The following DGKG variants were observed in gnomAD, a reference collection of about 807,000 sequenced individuals.
The protein encoded by DGKG is DAG kinase gamma.
Under a neutral mutation model 105.3 loss-of-function variants are expected in DGKG, and 78 were observed. The ratio of observed to expected loss-of-function variants is 0.74; its 90% CI spans 0.62 to 0.89. The LOEUF is 0.89. Among genes scored for constraint, DGKG ranks in the 40% least tolerant of loss-of-function variants. The pLI, the probability that DGKG is intolerant of heterozygous loss-of-function variation, is 0.00. For missense variants in DGKG, 958 were observed against 1,020.1 expected, an observed-to-expected ratio of 0.94 and a Z score of 0.83; for synonymous variants, 346 against 367.1, an observed-to-expected ratio of 0.94 and a Z score of 0.66.
intron 1 of DGKG, among the ~76,000 whole-genome samples, chr3:186,359,406 C>A (rs1415950442): frequency 6.6e-6 from 1 of 152,066 alleles, no homozygotes; most frequent in Non-Finnish European, 1.5e-5. Context: ...GCCAGGAAAA[C>A]AATGTTCATG....
intron 2 of DGKG, among the ~76,000 whole-genome samples, chr3:186,307,558 T>A (rs1298986848): frequency 6.6e-6 from 1 of 152,222 alleles, no homozygotes; most frequent in African/African-American, 2.4e-5. Context: ...TATGTAATAG[T>A]GCTTGTCATA....
At position 186,152,405 on chromosome 3, in the gene DGKG, T is replaced by TTGTTCCCCTGTGGAACACGTTTGTGGCA. The variant is rs556148114; in HGVS notation, c.2278-2245_2278-2218dup. 1.4e-3 allele frequency among the ~76,000 whole-genome samples: 209 copies of TTGTTCCCCTGTGGAACACGTTTGTGGCA among 152,288 alleles called. 2 individuals carry two copies. The highest frequency in any genetic ancestry group is 4.8e-3 in the African/African-American group (200 of 41,538). On this transcript the variant is annotated intron_variant, in intron 24 of 24. Coordinates refer to ENST00000265022, the MANE Select transcript of DGKG (RefSeq NM_001346.3). ...TCTGTGGCATGCAATGTAGCATTCTTTGTTCCCCTGTGGAACACGTTTGTG... is the reference window on the plus strand; with the variant it reads ...TCTGTGGCATGCAATGTAGCATTCTTTGTTCCCCTGTGGAACACGTTTGTGGCATGTTCCCCTGTGGAACACGTTTGTG...
chr3:186,277,373 T>C (rs1176054624), intron 9 of DGKG, among the ~76,000 whole-genome samples: 2 of 152,222 alleles, frequency 1.3e-5, no homozygotes, highest in Admixed American at 1.3e-4. Flanking sequence ...GAAACAGAGA[T>C]TTGGAGAAGT....
chr3:186,259,400 G>A (rs1423834520), intron 16 of DGKG, among the ~76,000 whole-genome samples: 2 of 152,232 alleles, frequency 1.3e-5, no homozygotes, highest in African/African-American at 2.4e-5. Context: ...AACTGCAGTG[G>A]TGTACAGAGG....
intron 14 of DGKG, 104 bp downstream of exon 14, chr3:186,265,143 G>T: frequency 9.1e-7 from 1 of 1,102,754 alleles, no homozygotes; most frequent in Non-Finnish European, 1.4e-6. Flanking sequence ...CAGATGAGAA[G>T]GCAAATGCTG....
intron 24 of DGKG, chr3:186,158,535 A>C: frequency 1.0e-6 from 1 of 964,704 alleles, no homozygotes; most frequent in Non-Finnish European, 1.2e-6. Context: ...GACCTTTATA[A>C]TTTCTGCAAC....
intron 20 of DGKG, among the ~76,000 whole-genome samples, chr3:186,241,093 A>G (rs562352055): frequency 6.6e-6 from 1 of 152,276 alleles, no homozygotes; most frequent in South Asian, 2.1e-4. Context: ...ATCGGATCCC[A>G]CAGATCGCTC....
At chr3:186,223,671 C>T (rs1033980565) in intron 20 of DGKG, among the ~76,000 whole-genome samples, 30 of 152,176 alleles carry the variant, frequency 2.0e-4, no homozygotes, top group African/African-American at 6.8e-4. Flanking sequence ...GAGAAGACTG[C>T]GGTAGACCCT....
At chr3:186,190,097 C>T (rs762167880) in intron 21 of DGKG, among the ~76,000 whole-genome samples, 6 of 152,158 alleles carry the variant, frequency 3.9e-5, no homozygotes, top group Non-Finnish European at 7.3e-5. Flanking sequence ...AACTGAGGCA[C>T]AGAGGAGGTT....
intron 2 of DGKG, among the ~76,000 whole-genome samples, chr3:186,318,794 A>G (rs1334446616): frequency 6.6e-6 from 1 of 152,134 alleles, no homozygotes; most frequent in East Asian, 1.9e-4. Flanking sequence ...TAGCTCCCAG[A>G]ACTTTGAGAC....
rs572344324 is a variant in DGKG, at chr3:186,166,972, A to G, written c.2096-1954T>C. On this transcript the variant is annotated intron_variant, in intron 22 of 24. Transcript: ENST00000265022. ...TAGACTCAAGTGTTTCAGCTTTACA[A>G]TGTCTTGGTCTTTTAACAAATTTTC... Among the ~76,000 whole-genome samples, 7 of 152,290 alleles carry G rather than the reference A, an allele frequency of 4.6e-5. No individual in the cohort carries two copies. In the East Asian group the frequency reaches 1.3e-3, roughly 29 times the overall value.
At chr3:186,353,560 T>G (rs554846202) in intron 1 of DGKG, among the ~76,000 whole-genome samples, 3 of 117,388 alleles carry the variant, frequency 2.6e-5, no homozygotes, top group African/African-American at 1.3e-4. Flanking sequence ...TATACTTTTA[T>G]GTATGTATAT....
At chr3:186,180,720 A>G (rs556473524) in intron 22 of DGKG, among the ~76,000 whole-genome samples, 163 of 152,352 alleles carry the variant, frequency 1.1e-3, no homozygotes, top group African/African-American at 3.6e-3. Flanking sequence ...GAAAGCCATG[A>G]GAAACAGTGA....
intron 9 of DGKG, among the ~76,000 whole-genome samples, chr3:186,277,557 T>TG (rs1266256278): frequency 6.6e-6 from 1 of 152,244 alleles, no homozygotes; most frequent in Non-Finnish European, 1.5e-5. Flanking sequence ...GACTTCTTCG[T>TG]GGAGCCCAAA....
chr3:186,248,289 C>A (rs531908250), intron 19 of DGKG, among the ~76,000 whole-genome samples: 1 of 152,264 alleles, frequency 6.6e-6, no homozygotes, highest in Non-Finnish European at 1.5e-5. Context: ...CTTCTGCAGG[C>A]AGCTGCGCTG....
chr3:186,201,001 A>G (rs1021244507), intron 21 of DGKG, among the ~76,000 whole-genome samples: 1 of 152,130 alleles, frequency 6.6e-6, no homozygotes, highest in Non-Finnish European at 1.5e-5. Flanking sequence ...GCCCAAATTC[A>G]TTTCCAGGAG....
intron 21 of DGKG, among the ~76,000 whole-genome samples, chr3:186,204,588 C>T (rs751733735): frequency 1.3e-5 from 2 of 151,992 alleles, no homozygotes; most frequent in Non-Finnish European, 2.9e-5. Context: ...CAGCATAGTA[C>T]CCAGCACGTC....
intron 21 of DGKG, among the ~76,000 whole-genome samples, chr3:186,201,625 G>A (rs556744431): frequency 1.2e-4 from 18 of 152,180 alleles, no homozygotes; most frequent in South Asian, 8.3e-4. Context: ...AGGCATGAGT[G>A]CCAGCCATCT....
rs1578669905 is a variant in DGKG, at chr3:186,210,580, C to T, written c.1917+1215G>A. On this transcript the variant is annotated intron_variant, in intron 21 of 24. Transcript: ENST00000265022. The surrounding 1 kb of genome is among the most constrained non-coding windows in gnomAD (Gnocchi z 5.2). ...GGCAGATGAGTCAAATGCAGCCGCA[C>T]AGAACCTCTGGCTTCGTGTTTTGTT... The T allele has an allele frequency of 4.4e-6, 2 of 454,086 alleles. No individual in the cohort carries two copies. The highest frequency in any genetic ancestry group is 7.0e-5 in the East Asian group (1 of 14,348). 28.1% of individuals were successfully genotyped at this position (454,086 alleles called of 1,614,324 possible).
Sources: allele counts gnomAD v4.1 joint callset (sites outside exome capture counted in the v4.1 genomes callset), GRCh38; gene constraint gnomAD v4.1.1; non-coding constraint Gnocchi (gnomAD v3.1); transcripts MANE v1.5; gene names NCBI Gene and HGNC (gene_info 2026-07-23, HGNC 2026-07-21).